Variants in FOXJ3 observed in about 807,000 individuals in gnomAD.
FOXJ3 encodes forkhead box protein J3.
A neutral mutation model predicts 76.1 loss-of-function variants in FOXJ3; 22 were observed. That is an observed-to-expected ratio of 0.29 (90% CI 0.21 to 0.41). The LOEUF (loss-of-function observed/expected upper bound fraction) is 0.41, where lower values mean the gene tolerates loss of function less well. Among genes scored for constraint, FOXJ3 ranks in the 10% least tolerant of loss-of-function variants. The pLI is 1.00. For missense variants in FOXJ3, 613 were observed against 762.1 expected, an observed-to-expected ratio of 0.80 and a Z score of 2.30; for synonymous variants, 269 against 261.2, an observed-to-expected ratio of 1.03 and a Z score of -0.29.
chr1:42,189,560 C>T (rs1356174580), intron 9 of FOXJ3, 156 bp from the exon 10 acceptor site: 21 of 560,466 alleles, frequency 3.7e-5, no homozygotes, highest in Non-Finnish European at 2.6e-5. Flanking sequence ...GGGCAATCTG[C>T]TCTGTGAGAC....
In FOXJ3 at chr1:42,278,320, AAAGT is replaced by A. The variant is rs530227924; in HGVS notation, c.369+24_369+27del. 1.2e-3 allele frequency: 1,779 copies of A among 1,425,206 alleles called. 24 individuals carry two copies. In the African/African-American group the frequency reaches 0.023, roughly 18 times the overall value. 88.3% of individuals were successfully genotyped at this position (1,425,206 alleles called of 1,614,324 possible). A position where few individuals can be genotyped will look rare whatever the true frequency, so the allele number is the denominator to read the frequency against. On this transcript the variant is annotated intron_variant, in intron 3 of 12. Transcript: ENST00000361346. ...AATCAACATCATTGCTTACTTCATAAAAGTAATAATTTAAATAAAATCCTTACCT... is the reference window on the plus strand; with the variant it reads ...AATCAACATCATTGCTTACTTCATAAAATAATTTAAATAAAATCCTTACCT...
chr1:42,278,110 T>C (rs559589203), intron 3 of FOXJ3, among the ~76,000 whole-genome samples: 1 of 152,292 alleles, frequency 6.6e-6, no homozygotes, highest in African/African-American at 2.4e-5. Context: ...GAACGCTACA[T>C]TATCCCCGCT....
intron 2 of FOXJ3, among the ~76,000 whole-genome samples, chr1:42,279,830 C>G (rs1241092993): frequency 6.6e-6 from 1 of 152,014 alleles, no homozygotes; most frequent in Non-Finnish European, 1.5e-5. Flanking sequence ...TTAAAGGTTT[C>G]TTTTGACTTA....
At position 42,191,486 on chromosome 1, in the gene FOXJ3, A is replaced by G. The variant is rs1388467494; in HGVS notation, c.1168T>C (p.Leu390=). 3.7e-6 allele frequency: 6 copies of G among 1,613,872 alleles called. No individual in the cohort carries two copies. In the South Asian group the frequency reaches 6.6e-5, roughly 18 times the overall value. ...SPHPPHRPHG[L]PQHPQRSPHP... ...GGGGAACGCTGCGGATGCTGCGGTA[A>G]ACCATGCGGTCGATGGGGAGGATGT... Residue 390 remains leucine (L), a synonymous_variant, in exon 9 of 13, where the codon TTA becomes CTA. Coordinates refer to ENST00000361346, the MANE Select transcript of FOXJ3 (RefSeq NM_014947.5).
intron 1 of FOXJ3, among the ~76,000 whole-genome samples, chr1:42,320,459 C>A (rs1655366114): frequency 6.6e-6 from 1 of 152,132 alleles, no homozygotes; most frequent in Non-Finnish European, 1.5e-5. Context: ...AAAATCGTAT[C>A]ATGTGGTCTA....
At chr1:42,195,095 G>A in intron 7 of FOXJ3, 31 bp from the exon 8 acceptor site, 1 of 1,520,386 alleles carries the variant, frequency 6.6e-7, no homozygotes, top group African/African-American at 1.4e-5. Flanking sequence ...AACTAATTCA[G>A]CCTCTCTACT....
intron 5 of FOXJ3, among the ~76,000 whole-genome samples, chr1:42,214,712 T>C (rs1193740618): frequency 3.9e-5 from 6 of 152,184 alleles, no homozygotes; most frequent in Non-Finnish European, 8.8e-5. Context: ...AGGCAATAGA[T>C]GTGGAGTGCA....
At chr1:42,309,528 T>C (rs899124343) in intron 2 of FOXJ3, among the ~76,000 whole-genome samples, 7 of 152,214 alleles carry the variant, frequency 4.6e-5, no homozygotes, top group African/African-American at 9.7e-5. Context: ...CTTTATCATA[T>C]CACTAACAAA....
At chr1:42,185,955 G>A (rs1269428540) in intron 11 of FOXJ3, among the ~76,000 whole-genome samples, 2 of 151,126 alleles carry the variant, frequency 1.3e-5, no homozygotes, top group Non-Finnish European at 3.0e-5. Context: ...TATATTCTGG[G>A]ACTCAAGACC....
intron 5 of FOXJ3, among the ~76,000 whole-genome samples, chr1:42,225,003 G>A (rs112259230): frequency 0.021 from 3,188 of 151,660 alleles, 104 homozygotes; most frequent in African/African-American, 0.073. Flanking sequence ...ACCTGGGCCC[G>A]GGAGGTAGAG....
chr1:42,252,263 T>C (rs2124573824), intron 4 of FOXJ3, among the ~76,000 whole-genome samples: 1 of 152,336 alleles, frequency 6.6e-6, no homozygotes, highest in African/African-American at 2.4e-5. Flanking sequence ...TGGACTCTTT[T>C]TGGTTGGTAA....
chr1:42,205,046 G>C (rs1230219667), intron 6 of FOXJ3, among the ~76,000 whole-genome samples: 3 of 152,120 alleles, frequency 2.0e-5, no homozygotes, highest in African/African-American at 7.2e-5. Flanking sequence ...GACTGAAAGA[G>C]AATCTAAGCA....
intron 8 of FOXJ3, 69 bp downstream of exon 8, chr1:42,194,821 C>A (rs1646619646): frequency 1.1e-6 from 1 of 935,942 alleles, no homozygotes; most frequent in Non-Finnish European, 1.6e-6. Context: ...TAACAGCTGC[C>A]ATGTGAAATA....
intron 4 of FOXJ3, among the ~76,000 whole-genome samples, chr1:42,246,323 C>T (rs920344776): frequency 6.6e-6 from 1 of 151,896 alleles, no homozygotes; most frequent in Non-Finnish European, 1.5e-5. Flanking sequence ...TTTACATGCA[C>T]ATACACATAC....
intron 2 of FOXJ3, among the ~76,000 whole-genome samples, chr1:42,302,557 C>T (rs11210618): frequency 0.017 from 2,539 of 152,262 alleles, 67 homozygotes; most frequent in African/African-American, 0.059. Context: ...CAGAGGTATG[C>T]CTAGGCATGG....
chr1:42,264,034 A>G (rs1440966472), intron 4 of FOXJ3, among the ~76,000 whole-genome samples: 1 of 141,680 alleles, frequency 7.1e-6, no homozygotes, highest in Non-Finnish European at 1.5e-5. Flanking sequence ...TCCAATTAGG[A>G]GCTACTACAA....
At chr1:42,271,680 C>T (rs2124649486) in intron 3 of FOXJ3, among the ~76,000 whole-genome samples, 1 of 152,200 alleles carries the variant, frequency 6.6e-6, no homozygotes, top group South Asian at 2.1e-4. Flanking sequence ...GACAGGGTCT[C>T]GCTCTGTCAC....
chr1:42,280,608 T>C (rs898532394), intron 2 of FOXJ3, among the ~76,000 whole-genome samples: 1 of 152,100 alleles, frequency 6.6e-6, no homozygotes, highest in Non-Finnish European at 1.5e-5. Flanking sequence ...AGATCAGAGA[T>C]GAATCCCTTC....
chr1:42,209,102 A>C (rs1359745604), intron 5 of FOXJ3, among the ~76,000 whole-genome samples: 2 of 152,234 alleles, frequency 1.3e-5, no homozygotes, highest in Non-Finnish European at 1.5e-5. Context: ...GAAGCAATGA[A>C]GTGAAATTGT....
Sources: gnomAD v4.1 joint callset for allele counts (sites outside exome capture counted in the v4.1 genomes callset) on GRCh38, gnomAD v4.1.1 for gene constraint, MANE v1.5 for transcripts, NCBI Gene and HGNC (gene_info 2026-07-23, HGNC 2026-07-21) for gene names.